CCDC93: variants seen among roughly 807,000 people sequenced by gnomAD.
CCDC93 encodes the protein CCC complex scaffolding subunit CCDC93, also known as coiled-coil domain-containing protein 93.
CCDC93 carries 61 observed loss-of-function variants against 108.2 expected under a neutral mutation model. The ratio of observed to expected loss-of-function variants is 0.56; its 90% confidence interval spans 0.46 to 0.70. The LOEUF (loss-of-function observed/expected upper bound fraction) is 0.70. Among genes scored for constraint, CCDC93 ranks in the 30% least tolerant of loss-of-function variants. The pLI is 0.00. For synonymous variants in CCDC93, 276 were observed against 260.4 expected (o/e 1.06, Z -0.58); for missense variants, 685 against 764.2 (o/e 0.90, Z 1.22).
chr2:117,949,449 A>C, intron 13 of CCDC93, 54 bp from the exon 14 acceptor site: 1 of 1,226,886 alleles, frequency 8.2e-7, no homozygotes, highest in Non-Finnish European at 1.2e-6. Flanking sequence ...AGAGGTGAAC[A>C]ACTTCACCTT....
intron 14 of CCDC93, among the ~76,000 whole-genome samples, chr2:117,948,689 A>T (rs1678953175): frequency 1.3e-5 from 2 of 152,238 alleles, no homozygotes; most frequent in Non-Finnish European, 1.5e-5. Context: ...CTTTTTGCTA[A>T]AAATGTTCAT....
At chr2:118,002,487 C>G (rs1348855911) in intron 3 of CCDC93, among the ~76,000 whole-genome samples, 2 of 152,154 alleles carry the variant, frequency 1.3e-5, no homozygotes, top group African/African-American at 4.8e-5. Flanking sequence ...TGGAAAATAG[C>G]TTCACAAGTT....
At position 117,916,238 on chromosome 2, in the gene CCDC93, T is replaced by C. The variant is rs952889362; in HGVS notation, c.*4105A>G. 1.3e-5 allele frequency: 2 copies of C among 152,176 alleles called. No individual in the cohort carries two copies. Among genetic ancestry groups the C allele is most frequent in the African/African-American group, 4.8e-5 (2 of 41,440 alleles). 9.4% of individuals were successfully genotyped at this position (152,176 alleles called of 1,614,324 possible). ...CACATGGCTGAGACATTTCTGCCCA[T>C]CAAGTTACCTTTAGGTTCATGACAC... On this transcript the variant is annotated 3_prime_UTR_variant, in exon 24 of 24. Coordinates refer to ENST00000376300, the MANE Select transcript of CCDC93 (RefSeq NM_019044.5).
intron 15 of CCDC93, among the ~76,000 whole-genome samples, chr2:117,947,273 CTGT>C (rs1678902092): frequency 6.6e-6 from 1 of 152,238 alleles, no homozygotes; most frequent in African/African-American, 2.4e-5. Flanking sequence ...CCTCCACTTG[CTGT>C]CCTCCTTGGC....
chr2:117,950,929 G>T (rs2104744114), intron 13 of CCDC93: 1 of 985,406 alleles, frequency 1.0e-6, no homozygotes, highest in East Asian at 1.1e-4. Flanking sequence ...ACGACTGCAG[G>T]AATGATATGC....
chr2:117,922,835 G>A (rs1315285202), intron 23 of CCDC93, among the ~76,000 whole-genome samples: 1 of 152,154 alleles, frequency 6.6e-6, no homozygotes, highest in East Asian at 1.9e-4. Context: ...AGCAGAACTA[G>A]TCTGGCTGAA....
chr2:117,977,767 T>C (rs1170177286), intron 8 of CCDC93, among the ~76,000 whole-genome samples: 1 of 152,180 alleles, frequency 6.6e-6, no homozygotes, highest in Non-Finnish European at 1.5e-5. Flanking sequence ...GCCACAACTT[T>C]CAATCACCCC....
At chr2:117,960,162 A>C (rs537810461) in intron 11 of CCDC93, among the ~76,000 whole-genome samples, 85 of 152,370 alleles carry the variant, frequency 5.6e-4, no homozygotes, top group Non-Finnish European at 9.3e-4. Context: ...AAGTGTCATA[A>C]GCATATTCTC....
intron 12 of CCDC93, among the ~76,000 whole-genome samples, chr2:117,957,664 CAACT>C (rs775532685): frequency 3.9e-5 from 6 of 152,158 alleles, no homozygotes; most frequent in African/African-American, 7.2e-5. Context: ...CACTGCCAAC[CAACT>C]GTCTTCATTC....
At chr2:117,944,683 C>CCTCCTT in intron 17 of CCDC93, 2 of 469,726 alleles carry the variant, frequency 4.3e-6, no homozygotes, top group Non-Finnish European at 8.8e-6. Context: ...CAAAGGAGTG[C>CCTCCTT]CTCCTTCCTC....
Position 117,919,377 on chromosome 2 carries a change from G to A in CCDC93, c.*966C>T, listed in dbSNP as rs890089332. 10 of 152,110 alleles carry A rather than the reference G, an allele frequency of 6.6e-5. No homozygotes were observed. The highest frequency in any genetic ancestry group is 1.2e-4 in the Non-Finnish European group (8 of 68,074). 9.4% of individuals were successfully genotyped at this position (152,110 alleles called of 1,614,324 possible). On this transcript the variant is annotated 3_prime_UTR_variant, in exon 24 of 24. Transcript: ENST00000376300. The stretch of plus-strand genomic sequence containing the variant: ...CAACATCCGATTCTCCCTTTAGATA[G>A]GGCTCAAATGCTGCCTCCTCCAGGA...
chr2:117,998,109 G>C (rs902721495), intron 4 of CCDC93: 1 of 152,208 alleles, frequency 6.6e-6, no homozygotes, highest in Non-Finnish European at 1.5e-5. Flanking sequence ...CTTCACAGGA[G>C]TCACATGTCC....
chr2:117,929,248 C>T (rs1346392928), intron 23 of CCDC93, among the ~76,000 whole-genome samples: 4 of 152,158 alleles, frequency 2.6e-5, no homozygotes, highest in African/African-American at 4.8e-5. Flanking sequence ...TACCCTAAAA[C>T]TTAAAGTATA....
intron 13 of CCDC93, chr2:117,951,490 T>C: frequency 1.0e-6 from 1 of 989,298 alleles, no homozygotes; most frequent in Non-Finnish European, 1.2e-6. Context: ...CGCTACAGAG[T>C]AAGAATTTTA....
At chr2:117,926,859 A>C (rs1348053436) in intron 23 of CCDC93, among the ~76,000 whole-genome samples, 2 of 152,180 alleles carry the variant, frequency 1.3e-5, no homozygotes, top group African/African-American at 4.8e-5. Context: ...ACATTGATGC[A>C]AAAATCCTCA....
At chr2:117,971,254 T>C (rs1259625462) in intron 11 of CCDC93, among the ~76,000 whole-genome samples, 2 of 152,080 alleles carry the variant, frequency 1.3e-5, no homozygotes, top group Non-Finnish European at 2.9e-5. Context: ...TCCCAGCTAC[T>C]TGGGAGGCTG....
At chr2:117,945,729 G>C (rs934763522) in intron 16 of CCDC93, 147 bp from the exon 17 acceptor site, 5 of 652,202 alleles carry the variant, frequency 7.7e-6, no homozygotes, top group African/African-American at 1.8e-5. Flanking sequence ...TGTCTGAAGA[G>C]AGCAGAAAGG....
At chr2:117,984,562 C>T (rs897463647) in intron 7 of CCDC93, among the ~76,000 whole-genome samples, 1 of 152,198 alleles carries the variant, frequency 6.6e-6, no homozygotes, top group African/African-American at 2.4e-5. Context: ...ATCTAGAATT[C>T]TGTCAACATG....
rs754693427 is a variant in CCDC93, at chr2:117,973,973, C to T, written c.823G>A (p.Val275Met). The change falls in exon 11 of 24, where the codon GTG becomes ATG. Residue 275 changes from valine to methionine, a missense_variant. Physicochemically the swap from Val to Met is conservative, Grantham distance 21. Transcript: ENST00000376300. ...GAGCAGAGTCCCACAATCTGGCCCA[C>T]GGAGCTTGCGGTGAGACGGCTCTGC... Reference protein sequence around the residue: ...NEESRLTASSVGQIVGLCSAE... With the variant: ...NEESRLTASSMGQIVGLCSAE... 14 of 1,611,068 alleles carry T rather than the reference C, an allele frequency of 8.7e-6. No individual in the cohort carries two copies. The African/African-American group carries it at 1.1e-4, about 12-fold the overall frequency.
Sources: gnomAD v4.1 joint callset for allele counts (sites outside exome capture counted in the v4.1 genomes callset) on GRCh38, gnomAD v4.1.1 for gene constraint, MANE v1.5 for transcripts, NCBI Gene and HGNC (gene_info 2026-07-23, HGNC 2026-07-21) for gene names.